LYRM4: variants seen among roughly 807,000 people sequenced by gnomAD.
The protein encoded by LYRM4 is LYR motif containing 4.
In LYRM4, 9 loss-of-function variants were observed where a neutral mutation model predicts 11.7. The observed-to-expected ratio is 0.77, with a 90% CI of 0.46 to 1.34. The LOEUF (loss-of-function observed/expected upper bound fraction) is 1.34. Among genes scored for constraint, LYRM4 ranks in the 40% most tolerant of loss-of-function variants. LYRM4 has a pLI of 0.00. For synonymous variants in LYRM4, 42 were observed against 40.4 expected, an observed-to-expected ratio of 1.04 and a Z score of -0.15; for missense variants, 133 against 112.5, an observed-to-expected ratio of 1.18 and a Z score of -0.82.
intron 2 of LYRM4, among the ~76,000 whole-genome samples, chr6:5,148,914 G>C (rs1757935242): frequency 6.6e-6 from 1 of 152,098 alleles, no homozygotes; most frequent in South Asian, 2.1e-4. Context: ...AGAACTCTAA[G>C]TTTTCATTTC....
chr6:5,085,147 T>G, the LYRM4 span: 1 of 321,860 alleles, frequency 3.1e-6, no homozygotes, highest in Non-Finnish European at 5.7e-6. Context: ...GCCCCCCGCA[T>G]TCCACCGGAG....
At chr6:5,118,909 T>TATAATAGC in intron 2 of LYRM4, among the ~76,000 whole-genome samples, 1 of 152,338 alleles carries the variant, frequency 6.6e-6, no homozygotes. Flanking sequence ...AATGTTTACA[T>TATAATAGC]ATAATAGCAT....
chr6:5,160,606 G>A (rs1396893654), intron 2 of LYRM4, among the ~76,000 whole-genome samples: 2 of 151,960 alleles, frequency 1.3e-5, no homozygotes, highest in Non-Finnish European at 2.9e-5. Context: ...GCTGCCATGT[G>A]AGATGTGCCT....
In LYRM4 at chr6:5,109,160, T is replaced by A. The variant is rs1762764275; in HGVS notation, c.*263A>T. 1 of 1,309,746 alleles carries A rather than the reference T, an allele frequency of 7.6e-7. No individual in the cohort carries two copies. 81.1% of individuals were successfully genotyped at this position (1,309,746 alleles called of 1,614,324 possible). On this transcript the variant is annotated 3_prime_UTR_variant, in exon 3 of 3. Coordinates refer to ENST00000330636, the MANE Select transcript of LYRM4 (RefSeq NM_020408.6). ...ATGGTCATGAGCTACAAGGTAGGAA[T>A]GGGGTGCAGGGGAGACGTGGTAACA...
chr6:5,107,390 A>C (rs1464254553), downstream of LYRM4: 1 of 152,218 alleles, frequency 6.6e-6, no homozygotes, highest in African/African-American at 2.4e-5. Flanking sequence ...TCCAAGTAGC[A>C]GTTGCTTAAA....
At chr6:5,228,347 G>A (rs898991723) in intron 1 of LYRM4, among the ~76,000 whole-genome samples, 12 of 151,998 alleles carry the variant, frequency 7.9e-5, no homozygotes, top group African/African-American at 2.9e-4. Flanking sequence ...TGCGGTCTCG[G>A]CTCACTGCAA....
chr6:5,174,198 T>G (rs1315846479), intron 2 of LYRM4, among the ~76,000 whole-genome samples: 1 of 151,758 alleles, frequency 6.6e-6, no homozygotes, highest in Non-Finnish European at 1.5e-5. Flanking sequence ...AAATAAAGAG[T>G]CTTTCACAAT....
the LYRM4 span, among the ~76,000 whole-genome samples, chr6:5,092,637 G>A: frequency 6.6e-6 from 1 of 152,070 alleles, no homozygotes; most frequent in African/African-American, 2.4e-5. Context: ...ACAATCCCTT[G>A]AACCCGGGAA....
In LYRM4 at chr6:5,197,684, A is replaced by C. The variant is rs565161706; in HGVS notation, c.207+18934T>G. On this transcript the variant is annotated intron_variant, in intron 2 of 2. Coordinates refer to ENST00000330636, the MANE Select transcript of LYRM4 (RefSeq NM_020408.6). ...GTGAGACGCTGCCTCAAAAAAAATAAATAAATAAAATAAAAGAATATATTT... is the reference window on the plus strand; with the variant it reads ...GTGAGACGCTGCCTCAAAAAAAATACATAAATAAAATAAAAGAATATATTT... Among the ~76,000 whole-genome samples the C allele has an allele frequency of 3.9e-5, 6 of 152,250 alleles. No homozygotes were observed. The South Asian group carries it at 1.0e-3, about 26-fold the overall frequency.
At chr6:5,061,749 G>A in the LYRM4 span, among the ~76,000 whole-genome samples, 7 of 152,162 alleles carry the variant, frequency 4.6e-5, no homozygotes, top group Admixed American at 2.0e-4. Context: ...CAGAGCTCAC[G>A]GGAGTCCCAT....
chr6:5,158,487 T>A, intron 2 of LYRM4, among the ~76,000 whole-genome samples: 1 of 151,738 alleles, frequency 6.6e-6, no homozygotes, highest in East Asian at 1.9e-4. Flanking sequence ...TTTTTTTTTT[T>A]TTTTTTAAAG....
At chr6:5,050,909 T>C in the LYRM4 span, among the ~76,000 whole-genome samples, 1 of 152,224 alleles carries the variant, frequency 6.6e-6, no homozygotes, top group East Asian at 1.9e-4. Flanking sequence ...ATCTTAAAGA[T>C]GCTCAAAGAG....
intron 2 of LYRM4, among the ~76,000 whole-genome samples, chr6:5,171,869 C>T (rs984740453): frequency 1.3e-5 from 2 of 152,064 alleles, no homozygotes; most frequent in East Asian, 1.9e-4. Context: ...TGAAGGGATA[C>T]GGGAAGAATT....
chr6:5,083,671 T>C, the LYRM4 span, among the ~76,000 whole-genome samples: 1 of 152,220 alleles, frequency 6.6e-6, no homozygotes, highest in Non-Finnish European at 1.5e-5. Flanking sequence ...GGACATCCTG[T>C]AGGTGCTCAG....
chr6:5,178,508 C>T (rs1357928418), intron 2 of LYRM4, among the ~76,000 whole-genome samples: 1 of 145,688 alleles, frequency 6.9e-6, no homozygotes, highest in Non-Finnish European at 1.5e-5. Context: ...GTGGGTGGAG[C>T]GGGGAATGAA....
chr6:5,239,053 C>A (rs908858742), intron 1 of LYRM4, among the ~76,000 whole-genome samples: 1 of 152,158 alleles, frequency 6.6e-6, no homozygotes, highest in Non-Finnish European at 1.5e-5. Flanking sequence ...ATATTCTTTC[C>A]GGTGGCAATA....
intron 2 of LYRM4, among the ~76,000 whole-genome samples, chr6:5,119,118 C>T (rs1391455374): frequency 6.6e-6 from 1 of 152,166 alleles, no homozygotes; most frequent in Non-Finnish European, 1.5e-5. Context: ...TTCCTGTAAG[C>T]CTTGAATGTT....
At chr6:5,086,094 C>A in the LYRM4 span, 11 of 1,469,360 alleles carry the variant, frequency 7.5e-6, no homozygotes, top group Non-Finnish European at 9.8e-6. Flanking sequence ...TCTTCCAGCT[C>A]CCGGGGCCGA....
At chr6:5,259,418 C>T (rs530091188) in intron 1 of LYRM4, among the ~76,000 whole-genome samples, 20 of 152,196 alleles carry the variant, frequency 1.3e-4, no homozygotes, top group Non-Finnish European at 2.1e-4. Context: ...CATTCTCTCC[C>T]GTGAAATTTA....
Sources: allele counts gnomAD v4.1 joint callset (sites outside exome capture counted in the v4.1 genomes callset), GRCh38; gene constraint gnomAD v4.1.1; transcripts MANE v1.5; gene names NCBI Gene and HGNC (gene_info 2026-07-23, HGNC 2026-07-21).